Variants in PRUNE2 observed in about 807,000 individuals in gnomAD.
PRUNE2 encodes protein prune homolog 2.
A neutral mutation model predicts 252.0 loss-of-function variants in PRUNE2; 164 were observed. The ratio of observed to expected loss-of-function variants is 0.65; its 90% CI spans 0.57 to 0.74. The LOEUF (loss-of-function observed/expected upper bound fraction) is 0.74. Among genes scored for constraint, PRUNE2 ranks in the 30% least tolerant of loss-of-function variants. PRUNE2 has a pLI of 0.00. For synonymous variants in PRUNE2, 1,292 were observed against 1,350.2 expected (o/e 0.96, Z 0.94); for missense variants, 3,495 against 3,711.0 (o/e 0.94, Z 1.51).
intron 1 of PRUNE2, among the ~76,000 whole-genome samples, chr9:76,866,414 G>GT (rs2060840410): frequency 6.6e-6 from 1 of 152,294 alleles, no homozygotes; most frequent in Admixed American, 6.5e-5. Flanking sequence ...TTCATATAGT[G>GT]TTTTTTGCGA....
At chr9:76,784,980 G>A (rs1278344378) in intron 6 of PRUNE2, 1 of 151,856 alleles carries the variant, frequency 6.6e-6, no homozygotes, top group Non-Finnish European at 1.5e-5. Flanking sequence ...TACATATTTT[G>A]TTTTCCAGTG....
In PRUNE2 at chr9:76,905,989, G is replaced by A; in HGVS notation, c.-26C>T. ...GTCGTGGCTAGGGGTTTGGAACCCGGGTACTCGGAGGGGCGCAGTGGAAAA... is the reference window on the plus strand; with the variant it reads ...GTCGTGGCTAGGGGTTTGGAACCCGAGTACTCGGAGGGGCGCAGTGGAAAA... On this transcript the variant is annotated 5_prime_UTR_variant, in exon 1 of 19. Transcript: ENST00000376718. 6.2e-7 allele frequency: 1 copy of A among 1,613,556 alleles called. No individual in the cohort carries two copies. The highest frequency in any genetic ancestry group is 8.5e-7 in the Non-Finnish European group (1 of 1,179,478).
intron 9 of PRUNE2, among the ~76,000 whole-genome samples, chr9:76,691,050 C>G (rs1287288882): frequency 2.0e-5 from 3 of 152,194 alleles, no homozygotes. Context: ...TGCATATTAT[C>G]TGTTATGATT....
chr9:76,727,648 T>C (rs1262353821), intron 6 of PRUNE2, among the ~76,000 whole-genome samples: 16 of 140,172 alleles, frequency 1.1e-4, no homozygotes, highest in Admixed American at 4.8e-4. Flanking sequence ...TCTTCTTCTT[T>C]TTTTTTTTTT....
intron 6 of PRUNE2, among the ~76,000 whole-genome samples, chr9:76,772,602 C>T (rs541389645): frequency 2.6e-5 from 4 of 152,250 alleles, no homozygotes; most frequent in African/African-American, 7.2e-5. Flanking sequence ...TCTTGCTTGT[C>T]CCCCAGGCTG....
At chr9:76,699,143 A>G (rs1280231978) in intron 9 of PRUNE2, among the ~76,000 whole-genome samples, 1 of 151,222 alleles carries the variant, frequency 6.6e-6, no homozygotes, top group Non-Finnish European at 1.5e-5. Flanking sequence ...ATTTTTTAAA[A>G]TTCCCTTGCA....
intron 4 of PRUNE2, among the ~76,000 whole-genome samples, chr9:76,841,417 A>C (rs1349959118): frequency 6.6e-6 from 1 of 152,202 alleles, no homozygotes; most frequent in Non-Finnish European, 1.5e-5. Context: ...AGCTAGCTGA[A>C]GGAGTTTTGT....
chr9:76,793,381 C>T (rs942589867), intron 6 of PRUNE2, among the ~76,000 whole-genome samples: 4 of 152,014 alleles, frequency 2.6e-5, no homozygotes, highest in Admixed American at 2.0e-4. Flanking sequence ...GGAGGATTGA[C>T]GAACATTTGC....
intron 1 of PRUNE2, among the ~76,000 whole-genome samples, chr9:76,895,672 T>G (rs2133600764): frequency 6.6e-6 from 1 of 152,370 alleles, no homozygotes. Flanking sequence ...GATATGTACT[T>G]TATGTCAGTG....
At chr9:76,631,206 T>A (rs972292295) in intron 15 of PRUNE2, among the ~76,000 whole-genome samples, 1 of 152,208 alleles carries the variant, frequency 6.6e-6, no homozygotes, top group Non-Finnish European at 1.5e-5. Context: ...ACGGTTTTGA[T>A]AAAAGACTGA....
chr9:76,614,950 A>G (rs1380085668), intron 18 of PRUNE2: 7 of 309,096 alleles, frequency 2.3e-5, no homozygotes, highest in Admixed American at 5.9e-5. Context: ...TTATTTAATA[A>G]GTGACCTTTC....
intron 6 of PRUNE2, among the ~76,000 whole-genome samples, chr9:76,769,357 C>T (rs141746542): frequency 2.7e-4 from 41 of 152,336 alleles, no homozygotes; most frequent in African/African-American, 9.1e-4. Flanking sequence ...CACTTCTTTG[C>T]ATGGCTGTAT....
At chr9:76,850,416 A>G (rs1427929186) in intron 3 of PRUNE2, 47 bp downstream of exon 3, 1 of 1,457,158 alleles carries the variant, frequency 6.9e-7, no homozygotes, top group South Asian at 1.1e-5. Context: ...TGCCCAGTAG[A>G]ACCTTCATTG....
Position 76,706,761 on chromosome 9 carries a change from C to G in PRUNE2, c.5513G>C (p.Arg1838Thr). The G allele has an allele frequency of 6.2e-7, 1 of 1,611,836 alleles. No homozygotes were observed. The highest frequency in any genetic ancestry group is 8.5e-7 in the Non-Finnish European group (1 of 1,178,866). ...EWWKASPQEG[R>T]LIESPFEREL... ...CCTTTCAAATGGACTTTCAATTAGT[C>G]TCCCTTCCTGGGGTGAGGCCTTCCA... The change falls in exon 8 of 19, where the codon AGA becomes ACA. Residue 1838 changes from arginine (R) to threonine (T), a missense_variant. Coordinates refer to ENST00000376718, the MANE Select transcript of PRUNE2 (RefSeq NM_015225.3).
chr9:76,637,022 G>A (rs1840465299), intron 14 of PRUNE2, among the ~76,000 whole-genome samples: 1 of 133,490 alleles, frequency 7.5e-6, no homozygotes, highest in South Asian at 2.5e-4. Context: ...TAATTTTAGG[G>A]AGTTCTATGC....
At chr9:76,765,204 G>A (rs1429597494) in intron 6 of PRUNE2, among the ~76,000 whole-genome samples, 1 of 152,142 alleles carries the variant, frequency 6.6e-6, no homozygotes, top group Admixed American at 6.5e-5. Context: ...CCAACATGTA[G>A]AAGTTAAACA....
chr9:76,865,806 TACACACACACACACACACACAC>T (rs34661457), intron 1 of PRUNE2, among the ~76,000 whole-genome samples: 1 of 127,152 alleles, frequency 7.9e-6, no homozygotes, highest in African/African-American at 3.1e-5. Flanking sequence ...TCTCTCTCCC[TACACACACACACACACACACAC>T]ACACACACAC....
At chr9:76,837,920 T>C (rs10869839) in intron 4 of PRUNE2, among the ~76,000 whole-genome samples, 141,844 of 150,022 alleles carry the variant, frequency 0.95, 67,081 homozygotes, top group East Asian at 1. Context: ...TACAGGCGCC[T>C]GCCACCACGC....
In PRUNE2 at chr9:76,703,993, A is replaced by G. The variant is rs371268210; in HGVS notation, c.7620T>C (p.Asn2540=). The G allele has an allele frequency of 2.9e-5, 47 of 1,613,758 alleles. No individual in the cohort carries two copies. The highest frequency in any genetic ancestry group is 3.5e-5 in the Non-Finnish European group (41 of 1,179,856). ...CCATGTGTAGTGCATGACGATCTTC[A>G]TTCTTCTCTGTACATCTTTCTTCCT... ...EYKEERCTEK[N]EDRHALHMDY... The change falls in exon 9 of 19, where the codon AAT becomes AAC. Residue 2540 remains asparagine, a synonymous_variant. Coordinates refer to ENST00000376718, the MANE Select transcript of PRUNE2 (RefSeq NM_015225.3).
Sources: gnomAD v4.1 joint callset for allele counts (sites outside exome capture counted in the v4.1 genomes callset) on GRCh38, gnomAD v4.1.1 for gene constraint, MANE v1.5 for transcripts, NCBI Gene and HGNC (gene_info 2026-07-23, HGNC 2026-07-21) for gene names.